RALYL: variants seen among roughly 807,000 people sequenced by gnomAD.
The protein encoded by RALYL is RALY RNA binding protein like, also known as RNA-binding Raly-like protein.
In RALYL, 29 loss-of-function variants were observed where a neutral mutation model predicts 35.1. The ratio of observed to expected loss-of-function variants is 0.83; its 90% CI spans 0.61 to 1.13. RALYL has a LOEUF of 1.13. RALYL is among the 50% of genes most tolerant of loss of function. The pLI, the probability that RALYL is intolerant of heterozygous loss-of-function variation, is 0.00. For missense variants in RALYL, 359 were observed against 360.4 expected, an observed-to-expected ratio of 1.00 and a Z score of 0.03; for synonymous variants, 120 against 127.6, an observed-to-expected ratio of 0.94 and a Z score of 0.40.
In RALYL at chr8:84,183,846, C is replaced by G. The variant is rs901380233; in HGVS notation, c.-602C>G. The G allele has an allele frequency of 1.3e-5, 2 of 152,450 alleles. No individual in the cohort carries two copies. Among genetic ancestry groups the G allele is most frequent in the Non-Finnish European group, 2.9e-5 (2 of 68,010 alleles). 9.4% of individuals were successfully genotyped at this position (152,450 alleles called of 1,614,324 possible). On this transcript the variant is annotated 5_prime_UTR_variant, in exon 1 of 9. Transcript: ENST00000521268. ...CGTCTCCCAAGTCCAGCAAAATGTG[C>G]AACTGGTTTTATGGAAAAAGCGATG...
chr8:84,278,263 C>T (rs992183029), intron 1 of RALYL, among the ~76,000 whole-genome samples: 2 of 152,246 alleles, frequency 1.3e-5, no homozygotes, highest in African/African-American at 4.8e-5. Flanking sequence ...CTGAGCTGTA[C>T]ATCGGCCCCT....
chr8:84,191,770 A>T (rs1813941411), intron 1 of RALYL, among the ~76,000 whole-genome samples: 1 of 152,208 alleles, frequency 6.6e-6, no homozygotes, highest in Non-Finnish European at 1.5e-5. Context: ...ATAAATATAT[A>T]AAAAAGAAAA....
At chr8:84,335,709 C>CTTTTTT (rs548185561) in intron 1 of RALYL, among the ~76,000 whole-genome samples, 17,718 of 83,346 alleles carry the variant, frequency 0.21, 2,357 homozygotes, top group African/African-American at 0.38. Flanking sequence ...GTTTTCTTAC[C>CTTTTTT]TTTTTTTTTT....
At chr8:84,889,187 A>AGAGTT (rs61312175) in intron 8 of RALYL, among the ~76,000 whole-genome samples, 1 of 151,810 alleles carries the variant, frequency 6.6e-6, no homozygotes, top group African/African-American at 2.4e-5. Flanking sequence ...ATTAAGGATT[A>AGAGTT]AAGAACAAAC....
At chr8:84,284,479 T>C (rs1837230367) in intron 1 of RALYL, among the ~76,000 whole-genome samples, 1 of 152,206 alleles carries the variant, frequency 6.6e-6, no homozygotes, top group Non-Finnish European at 1.5e-5. Context: ...TCTAGCTAAG[T>C]AATGAAATCT....
intron 1 of RALYL, among the ~76,000 whole-genome samples, chr8:84,383,741 A>G (rs10093323): frequency 0.072 from 10,816 of 150,884 alleles, 489 homozygotes; most frequent in African/African-American, 0.11. Flanking sequence ...TGTGAAAGGA[A>G]GAAAAAAGAG....
At chr8:84,834,109 GA>G (rs557626425) in intron 4 of RALYL, among the ~76,000 whole-genome samples, 20 of 152,160 alleles carry the variant, frequency 1.3e-4, no homozygotes, top group Non-Finnish European at 2.8e-4. Flanking sequence ...CATGAACTAT[GA>G]AAAACATTTA....
At chr8:84,189,903 G>T (rs778006501) in intron 1 of RALYL, among the ~76,000 whole-genome samples, 3 of 152,138 alleles carry the variant, frequency 2.0e-5, no homozygotes, top group Non-Finnish European at 4.4e-5. Flanking sequence ...GTCCTGAAAG[G>T]ACCTTTCTGT....
chr8:84,662,771 C>T (rs1831177271), intron 2 of RALYL, among the ~76,000 whole-genome samples: 1 of 151,996 alleles, frequency 6.6e-6, no homozygotes, highest in Non-Finnish European at 1.5e-5. Context: ...TAATCTATTA[C>T]TACATATTTA....
At chr8:84,209,170 C>A (rs540862840) in intron 1 of RALYL, among the ~76,000 whole-genome samples, 1 of 147,100 alleles carries the variant, frequency 6.8e-6, no homozygotes, top group South Asian at 2.1e-4. Context: ...ACTATGCATG[C>A]GAGATATTAC....
At chr8:84,528,939 C>T (rs1437782327) in intron 1 of RALYL, among the ~76,000 whole-genome samples, 3 of 152,106 alleles carry the variant, frequency 2.0e-5, no homozygotes, top group Middle Eastern at 3.4e-3. Context: ...CAGACCTTAG[C>T]CATGTTGGAT....
intron 2 of RALYL, among the ~76,000 whole-genome samples, chr8:84,664,393 A>G (rs1831555288): frequency 6.6e-6 from 1 of 150,860 alleles, no homozygotes; most frequent in East Asian, 2.0e-4. Flanking sequence ...TTTAGTGAGA[A>G]TAGCATTGAA....
chr8:84,863,670 C>T (rs1392844413), intron 6 of RALYL, among the ~76,000 whole-genome samples: 2 of 152,100 alleles, frequency 1.3e-5, no homozygotes, highest in Non-Finnish European at 1.5e-5. Context: ...GAGATAGAAT[C>T]ACTATTGAAA....
intron 4 of RALYL, among the ~76,000 whole-genome samples, chr8:84,832,857 T>A (rs1326997686): frequency 6.6e-6 from 1 of 152,162 alleles, no homozygotes; most frequent in African/African-American, 2.4e-5. Flanking sequence ...TATTTTCCAT[T>A]TTACGATTCT....
At chr8:84,524,258 AAAAC>A (rs1377443134) in intron 1 of RALYL, among the ~76,000 whole-genome samples, 1 of 152,224 alleles carries the variant, frequency 6.6e-6, no homozygotes, top group African/African-American at 2.4e-5. Context: ...TTACAAGAAA[AAAAC>A]AAACAACCCC....
chr8:84,579,672 T>G (rs575237762), intron 2 of RALYL, among the ~76,000 whole-genome samples: 1 of 152,242 alleles, frequency 6.6e-6, no homozygotes, highest in African/African-American at 2.4e-5. Context: ...TTATTTTAGT[T>G]ACTTGGGTTA....
intron 4 of RALYL, among the ~76,000 whole-genome samples, chr8:84,845,673 G>A (rs1292831191): frequency 1.3e-5 from 2 of 152,172 alleles, no homozygotes; most frequent in South Asian, 2.1e-4. Flanking sequence ...GTTTAATTAT[G>A]TCCTACTTGT....
At chr8:84,281,935 C>T (rs1254545701) in intron 1 of RALYL, among the ~76,000 whole-genome samples, 1 of 152,116 alleles carries the variant, frequency 6.6e-6, no homozygotes, top group Non-Finnish European at 1.5e-5. Context: ...GCCTGCTTTT[C>T]ACACTTCATG....
intron 1 of RALYL, among the ~76,000 whole-genome samples, chr8:84,506,002 C>G (rs2057135676): frequency 6.6e-6 from 1 of 151,998 alleles, no homozygotes; most frequent in Non-Finnish European, 1.5e-5. Flanking sequence ...AAATAGAACT[C>G]CATAATTAGT....
Sources: gnomAD v4.1 joint callset for allele counts (sites outside exome capture counted in the v4.1 genomes callset) on GRCh38, gnomAD v4.1.1 for gene constraint, MANE v1.5 for transcripts, NCBI Gene and HGNC (gene_info 2026-07-23, HGNC 2026-07-21) for gene names.